The following C1orf174 variants were observed in gnomAD, a reference collection of about 807,000 sequenced individuals.
C1orf174 encodes chromosome 1 open reading frame 174.
A neutral mutation model predicts 18.4 loss-of-function variants in C1orf174; 13 were observed. That is an observed-to-expected ratio of 0.71 (90% CI 0.46 to 1.12). The LOEUF (loss-of-function observed/expected upper bound fraction) is 1.12, where lower values mean the gene tolerates loss of function less well. C1orf174 is among the 50% of genes most tolerant of loss of function. The probability of loss-of-function intolerance (pLI) is 0.00; values close to 1 mark genes in which losing one functional copy is unlikely to be tolerated. For missense variants in C1orf174, 309 were observed against 308.0 expected (o/e 1.00, Z -0.02); for synonymous variants, 100 against 118.3 (o/e 0.85, Z 1.01).
intron 1 of C1orf174, among the ~76,000 whole-genome samples, chr1:3,896,844 T>A (rs1365828050): frequency 6.6e-6 from 1 of 152,182 alleles, no homozygotes; most frequent in Non-Finnish European, 1.5e-5. Context: ...CACAATAACC[T>A]GGCATTAGCG....
intron 2 of C1orf174, 198 bp downstream of exon 2, chr1:3,892,685 G>A (rs1638531665): frequency 1.4e-6 from 2 of 1,426,510 alleles, no homozygotes; most frequent in Non-Finnish European, 1.8e-6. Flanking sequence ...TGCTAGGAGA[G>A]CCAGCCCTGG....
intron 2 of C1orf174, chr1:3,891,469 C>T: frequency 2.3e-6 from 1 of 425,966 alleles, no homozygotes; most frequent in Non-Finnish European, 3.2e-6. Context: ...CCAATTAGTG[C>T]CTGGCACACA....
Position 3,889,786 on chromosome 1 carries a change from T to C in C1orf174, c.*174A>G. On this transcript the variant is annotated 3_prime_UTR_variant, in exon 4 of 4. Transcript: ENST00000361605. The stretch of plus-strand genomic sequence containing the variant: ...AAGATGGTTTGAGTTTTAGTTCCCA[T>C]GAGTACATCCTCCACAGGTATTGGG... The C allele has an allele frequency of 3.1e-6, 2 of 655,676 alleles. No homozygotes were observed. The highest frequency in any genetic ancestry group is 5.5e-6 in the Non-Finnish European group (2 of 366,202). 40.6% of individuals were successfully genotyped at this position (655,676 alleles called of 1,614,324 possible). A position where few individuals can be genotyped will look rare whatever the true frequency, so the allele number is the denominator to read the frequency against.
chr1:3,894,372 C>A (rs1296754776), intron 1 of C1orf174, among the ~76,000 whole-genome samples: 1 of 152,100 alleles, frequency 6.6e-6, no homozygotes, highest in African/African-American at 2.4e-5. Context: ...CTTTGGGAGG[C>A]TGAGGCAGGT....
At position 3,890,702 on chromosome 1, in the gene C1orf174, T is replaced by C. The variant is rs1638491956; in HGVS notation, c.485A>G (p.Gln162Arg). The C allele has an allele frequency of 6.2e-7, 1 of 1,614,186 alleles. No individual in the cohort carries two copies. The change falls in exon 3 of 4, where the codon CAG becomes CGG. Residue 162 changes from glutamine to arginine, a missense_variant. Physicochemically the swap from Gln to Arg is conservative, Grantham distance 43. Coordinates refer to ENST00000361605, the MANE Select transcript of C1orf174 (RefSeq NM_207356.3). The part of the protein sequence containing the change: ...ESNSSSTVQK[Q>R]NEPGLQTEDV... ...CTCTGTCTGTAGCCCTGGCTCATTC[T>C]GCTTCTGCACAGTGGAGCTGCTGTT...
intron 1 of C1orf174, among the ~76,000 whole-genome samples, chr1:3,898,552 C>CAAA (rs70940339): frequency 0.03 from 4,485 of 151,246 alleles, 81 homozygotes; most frequent in Non-Finnish European, 0.046. Context: ...ACAACAACAA[C>CAAA]AAAACTCACT....
At position 3,889,951 on chromosome 1, in the gene C1orf174, GT is replaced by G; in HGVS notation, c.*8del. The G allele has an allele frequency of 6.2e-7, 1 of 1,608,332 alleles. No homozygotes were observed. On this transcript the variant is annotated 3_prime_UTR_variant, in exon 4 of 4. Coordinates refer to ENST00000361605, the MANE Select transcript of C1orf174 (RefSeq NM_207356.3). ...ACTAAATACTCAAGGACATTATTTT[GT>G]ATGGCCCCTACATTTCTGCATCATC...
At chr1:3,899,412 G>C (rs746795587) in intron 1 of C1orf174, among the ~76,000 whole-genome samples, 1 of 152,168 alleles carries the variant, frequency 6.6e-6, no homozygotes, top group Non-Finnish European at 1.5e-5. Context: ...CAAGTGGACC[G>C]GGACCCGCGC....
intron 1 of C1orf174, among the ~76,000 whole-genome samples, chr1:3,897,825 C>T (rs969957447): frequency 3.3e-4 from 50 of 152,102 alleles, no homozygotes; most frequent in African/African-American, 3.4e-4. Context: ...CACCACGCCC[C>T]GCTAATTTTT....
chr1:3,900,112 G>C (rs1328330040), intron 1 of C1orf174, 60 bp downstream of exon 1: 7 of 1,550,684 alleles, frequency 4.5e-6, no homozygotes, highest in Non-Finnish European at 6.0e-6. Context: ...TCTCCAGACA[G>C]CAGGTGACCC....
chr1:3,900,066 T>C, intron 1 of C1orf174, 106 bp downstream of exon 1: 3 of 1,396,696 alleles, frequency 2.1e-6, no homozygotes, highest in Non-Finnish European at 2.8e-6. Flanking sequence ...CGGAGGCCGC[T>C]CCTAGGCCAC....
chr1:3,894,214 C>A (rs533798164), intron 1 of C1orf174, among the ~76,000 whole-genome samples: 64 of 152,100 alleles, frequency 4.2e-4, no homozygotes, highest in African/African-American at 1.4e-3. Context: ...CCAACAGGCC[C>A]TAGAACTGGA....
chr1:3,897,496 G>A (rs575045195), intron 1 of C1orf174, among the ~76,000 whole-genome samples: 12 of 152,190 alleles, frequency 7.9e-5, no homozygotes, highest in South Asian at 4.1e-4. Flanking sequence ...AAAAAAGAAC[G>A]AAGAAAAATA....
Position 3,900,072 on chromosome 1 carries a change from G to C in C1orf174, c.15+100C>G, listed in dbSNP as rs1042995576. On this transcript the variant is annotated intron_variant, in intron 1 of 3. Transcript: ENST00000361605. Reference sequence around the variant, plus strand: ...AGGCCCAAGCGGAGGCCGCTCCTAGGCCACAGGCACCCCGTGACCCCGCCC... The same window carrying C: ...AGGCCCAAGCGGAGGCCGCTCCTAGCCCACAGGCACCCCGTGACCCCGCCC... The C allele has an allele frequency of 4.2e-6, 6 of 1,428,098 alleles. No individual in the cohort carries two copies. The African/African-American group carries it at 7.5e-5, about 18-fold the overall frequency. The allele number at this position is 1,428,098 out of a possible 1,614,324, so 88.5% of individuals were successfully genotyped here. A position where few individuals can be genotyped will look rare whatever the true frequency, so the allele number is the denominator to read the frequency against.
At chr1:3,892,645 C>G (rs1365916153) in intron 2 of C1orf174, 4 of 1,312,404 alleles carry the variant, frequency 3.0e-6, no homozygotes, top group African/African-American at 1.5e-5. Flanking sequence ...GATCAGAGCC[C>G]GGGTCTAGAC....
Position 3,889,887 on chromosome 1 carries a change from A to G in C1orf174, c.*73T>C. The stretch of plus-strand genomic sequence containing the variant: ...ATTCTCTTGGAGATACATTTTATAT[A>G]AATCTTGTAATGTGCTAAATTGTCA... On this transcript the variant is annotated 3_prime_UTR_variant, in exon 4 of 4. Transcript: ENST00000361605. The G allele has an allele frequency of 7.8e-7, 1 of 1,287,994 alleles. No homozygotes were observed. The allele number at this position is 1,287,994 out of a possible 1,614,324, so 79.8% of individuals were successfully genotyped here.
chr1:3,892,752 C>T, intron 2 of C1orf174, 131 bp downstream of exon 2: 1 of 1,478,924 alleles, frequency 6.8e-7, no homozygotes, highest in Non-Finnish European at 9.0e-7. Context: ...TTTTCATCTG[C>T]AATAGTCCCC....
At position 3,889,763 on chromosome 1, in the gene C1orf174, G is replaced by C. The variant is rs1480855120; in HGVS notation, c.*197C>G. The C allele has an allele frequency of 5.3e-6, 3 of 562,436 alleles. No individual in the cohort carries two copies. Among genetic ancestry groups the C allele is most frequent in the Non-Finnish European group, 9.7e-6 (3 of 308,428 alleles). The allele number at this position is 562,436 out of a possible 1,614,324, so 34.8% of individuals were successfully genotyped here. ...AGTACAGCAGCTTTGCAACCTCAAA[G>C]ATGGTTTGAGTTTTAGTTCCCATGA... On this transcript the variant is annotated 3_prime_UTR_variant, in exon 4 of 4. Transcript: ENST00000361605.
At position 3,891,027 on chromosome 1, in the gene C1orf174, G is replaced by A. The variant is rs915957717; in HGVS notation, c.160C>T (p.Arg54Ter). 5.6e-6 allele frequency: 9 copies of A among 1,613,242 alleles called. No homozygotes were observed. The highest frequency in any genetic ancestry group is 3.3e-5 in the Admixed American group (2 of 59,976). ...TSSSHKATDTRTSKKFKCDKG... is the reference protein window; with the variant it reads ...TSSSHKATDT Reference sequence around the variant, plus strand: ...TCACATTTGAACTTCTTGGACGTTCGCGTGTCTGTGGCTTTGTGGGATGAG... The same window carrying A: ...TCACATTTGAACTTCTTGGACGTTCACGTGTCTGTGGCTTTGTGGGATGAG... Residue 54 changes from arginine (R) to a stop codon, truncating the protein, a stop_gained, in exon 3 of 4, where the codon CGA (arginine) becomes TGA (stop). Coordinates refer to ENST00000361605, the MANE Select transcript of C1orf174 (RefSeq NM_207356.3). LOFTEE classifies it high-confidence loss of function.
Sources: allele counts gnomAD v4.1 joint callset (sites outside exome capture counted in the v4.1 genomes callset), GRCh38; gene constraint gnomAD v4.1.1; transcripts MANE v1.5; gene names NCBI Gene and HGNC (gene_info 2026-07-23, HGNC 2026-07-21).